SLC17A6: variants seen among roughly 807,000 people sequenced by gnomAD.
SLC17A6 encodes the protein solute carrier family 17 member 6.
A neutral mutation model predicts 67.1 loss-of-function variants in SLC17A6; 35 were observed. The observed-to-expected ratio is 0.52, with a 90% CI of 0.40 to 0.69. The LOEUF (loss-of-function observed/expected upper bound fraction) is 0.69. Ranked by LOEUF, SLC17A6 falls within the 30% of genes least tolerant of loss-of-function variation. The pLI is 0.00. For missense variants in SLC17A6, 588 were observed against 723.9 expected (o/e 0.81, Z 2.15); for synonymous variants, 285 against 252.3 (o/e 1.13, Z -1.23).
chr11:22,371,939 A>G (rs972416075), intron 8 of SLC17A6, among the ~76,000 whole-genome samples: 1 of 152,098 alleles, frequency 6.6e-6, no homozygotes, highest in African/African-American at 2.4e-5. Flanking sequence ...TCTAAGTTCT[A>G]CAACAAAGTA....
At chr11:22,358,934 A>G (rs1856019083) in intron 3 of SLC17A6, among the ~76,000 whole-genome samples, 1 of 152,202 alleles carries the variant, frequency 6.6e-6, no homozygotes, top group African/African-American at 2.4e-5. Flanking sequence ...AGCTACAAGT[A>G]GTTGCATAAT....
At chr11:22,353,771 C>T (rs1423096746) in intron 3 of SLC17A6, among the ~76,000 whole-genome samples, 3 of 152,170 alleles carry the variant, frequency 2.0e-5, no homozygotes, top group African/African-American at 2.4e-5. Flanking sequence ...AAAATGTAAG[C>T]CCTTTGTTTC....
At chr11:22,351,459 A>T (rs961996273) in intron 3 of SLC17A6, among the ~76,000 whole-genome samples, 1 of 152,152 alleles carries the variant, frequency 6.6e-6, no homozygotes, top group Admixed American at 6.6e-5. Flanking sequence ...CCATGAAGGC[A>T]GGCATACTGA....
At chr11:22,339,769 A>ACCTATGC (rs1166844466) in intron 1 of SLC17A6, among the ~76,000 whole-genome samples, 1 of 152,122 alleles carries the variant, frequency 6.6e-6, no homozygotes, top group Non-Finnish European at 1.5e-5. Flanking sequence ...ACGATTATGC[A>ACCTATGC]CCTATGCGGC....
chr11:22,376,824 C>T (rs1351922164), intron 11 of SLC17A6, 152 bp downstream of exon 11: 1 of 769,102 alleles, frequency 1.3e-6, no homozygotes, highest in Admixed American at 2.7e-5. Flanking sequence ...GCTCAGAATA[C>T]AGTATCTTTT....
At chr11:22,355,097 T>C (rs891000458) in intron 3 of SLC17A6, among the ~76,000 whole-genome samples, 15 of 152,184 alleles carry the variant, frequency 9.9e-5, no homozygotes, top group Admixed American at 3.9e-4. Context: ...TTGTTTTACT[T>C]CAAATAACTC....
chr11:22,360,152 A>C (rs1856034301), intron 4 of SLC17A6, among the ~76,000 whole-genome samples: 1 of 152,184 alleles, frequency 6.6e-6, no homozygotes, highest in Admixed American at 6.5e-5. Flanking sequence ...AGTCATAAAA[A>C]GGAATGAGAT....
At chr11:22,349,786 C>A (rs1482874675) in intron 3 of SLC17A6, among the ~76,000 whole-genome samples, 1 of 152,174 alleles carries the variant, frequency 6.6e-6, no homozygotes, top group Non-Finnish European at 1.5e-5. Context: ...TGTGTATTCC[C>A]TGTTTAATAT....
At chr11:22,373,165 A>G (rs1856193220) in intron 8 of SLC17A6, among the ~76,000 whole-genome samples, 1 of 152,188 alleles carries the variant, frequency 6.6e-6, no homozygotes, top group Admixed American at 6.5e-5. Flanking sequence ...TAGATAGTAA[A>G]TAACAGAGGA....
chr11:22,339,155 ATATATATATGTTATATATATATGTTT>A (rs1564976511), intron 1 of SLC17A6, among the ~76,000 whole-genome samples: 489 of 28,656 alleles, frequency 0.017, 25 homozygotes, highest in African/African-American at 0.034. Context: ...ATATATAGTT[ATATATATATGTTATATATATATGTTT>A]TATATATATA....
intron 2 of SLC17A6, 175 bp from the exon 3 acceptor site, chr11:22,343,072 G>GT (rs1182824271): frequency 1.4e-6 from 1 of 691,296 alleles, no homozygotes; most frequent in East Asian, 2.5e-5. Context: ...AATGAGCAGG[G>GT]TTTTTTCGTT....
At chr11:22,363,771 T>C (rs181809956) in intron 6 of SLC17A6, among the ~76,000 whole-genome samples, 1 of 152,070 alleles carries the variant, frequency 6.6e-6, no homozygotes, top group African/African-American at 2.4e-5. Context: ...ATATAGGTAT[T>C]CGTGAACATT....
intron 3 of SLC17A6, among the ~76,000 whole-genome samples, chr11:22,355,425 C>T (rs757985274): frequency 3.3e-5 from 5 of 152,134 alleles, no homozygotes; most frequent in Non-Finnish European, 5.9e-5. Context: ...CCCCTTGCTC[C>T]TCTGCAAGCC....
In SLC17A6 at chr11:22,370,173, A is replaced by T; in HGVS notation, c.1026A>T (p.Gly342=). 1 of 1,606,066 alleles carries T rather than the reference A, an allele frequency of 6.2e-7. No individual in the cohort carries two copies. The highest frequency in any genetic ancestry group is 1.1e-5 in the South Asian group (1 of 88,494). The change falls in exon 8 of 12, where the codon GGA becomes GGT. Residue 342 remains glycine, a synonymous_variant. Transcript: ENST00000263160. The part of the protein sequence containing the change: ...SQPAYFEEVF[G]FEISKVGMLS... ...CAGCATATTTTGAGGAAGTCTTTGG[A>T]TTTGAAATTAGCAAGGTATGTAAAA...
chr11:22,340,872 C>A (rs1331591009), intron 1 of SLC17A6, among the ~76,000 whole-genome samples: 1 of 152,190 alleles, frequency 6.6e-6, no homozygotes, highest in Admixed American at 6.5e-5. Context: ...AGCTCTCAGG[C>A]CTTCTCCTCA....
intron 3 of SLC17A6, among the ~76,000 whole-genome samples, chr11:22,346,900 C>T (rs1346302588): frequency 6.7e-6 from 1 of 149,952 alleles, no homozygotes; most frequent in African/African-American, 2.4e-5. Context: ...AGGTCAGATA[C>T]AGCAAAGGGA....
chr11:22,360,332 G>A (rs1856037135), intron 4 of SLC17A6, among the ~76,000 whole-genome samples: 1 of 152,004 alleles, frequency 6.6e-6, no homozygotes, highest in Admixed American at 6.6e-5. Context: ...ATTGGGGAAG[G>A]GCAGTGTAGG....
In SLC17A6 at chr11:22,341,750, C is replaced by A; in HGVS notation, c.309C>A (p.Thr103=). 3 of 1,614,184 alleles carry A rather than the reference C, an allele frequency of 1.9e-6. No individual in the cohort carries two copies. Among genetic ancestry groups the A allele is most frequent in the South Asian group, 1.1e-5 (1 of 91,086 alleles). ...VAIVDMVNNS[T]IHRGGKVIKE... ...TTGTGGACATGGTCAACAACAGCAC[C>A]ATCCACCGCGGGGGCAAGGTCATCA... Residue 103 remains threonine, a synonymous_variant, in exon 2 of 12, where the codon ACC becomes ACA. Coordinates refer to ENST00000263160, the MANE Select transcript of SLC17A6 (RefSeq NM_020346.3).
rs760382700 is a variant in SLC17A6, at chr11:22,343,397, C to A, written c.458+32C>A. 1.4e-5 allele frequency: 22 copies of A among 1,562,882 alleles called. No homozygotes were observed. In the South Asian group the frequency reaches 2.3e-4, roughly 16 times the overall value. On this transcript the variant is annotated intron_variant, in intron 3 of 11. Coordinates refer to ENST00000263160, the MANE Select transcript of SLC17A6 (RefSeq NM_020346.3). ...CGCCAGGCGGGACTGGGGCTCGGGGCGTGGTGTTTGTTTCCTCCGAAGGGG... is the reference window on the plus strand; with the variant it reads ...CGCCAGGCGGGACTGGGGCTCGGGGAGTGGTGTTTGTTTCCTCCGAAGGGG...
Sources: allele counts gnomAD v4.1 joint callset (sites outside exome capture counted in the v4.1 genomes callset), GRCh38; gene constraint gnomAD v4.1.1; transcripts MANE v1.5; gene names NCBI Gene and HGNC (gene_info 2026-07-23, HGNC 2026-07-21).